Variants in BCAP31 observed in about 807,000 individuals in gnomAD.
BCAP31 encodes B-cell receptor-associated protein 31.
For synonymous variants in BCAP31, 75 were observed against 80.9 expected, an observed-to-expected ratio of 0.93 and a Z score of 0.39; for missense variants, 124 against 193.0, an observed-to-expected ratio of 0.64 and a Z score of 2.12.
At chrX:153,708,082 G>C (rs1453658600) in intron 4 of BCAP31, among the ~76,000 whole-genome samples, 1 of 113,028 alleles carries the variant, frequency 8.8e-6, no homozygotes, top group Non-Finnish European at 1.9e-5. Context: ...CCAAAAAAAG[G>C]CCAGTGAACG....
chrX:153,700,931 A>C lies in BCAP31; in HGVS notation c.*6T>G, dbSNP rs1458613702. Reference sequence around the variant, plus strand: ...GCCAGCTGCAGGCAGGGGAGGAAGGAGGCCCTTACTCTTCCTTCTTGTCCA... The same window carrying C: ...GCCAGCTGCAGGCAGGGGAGGAAGGCGGCCCTTACTCTTCCTTCTTGTCCA... On this transcript the variant is annotated 3_prime_UTR_variant, in exon 8 of 8. Coordinates refer to ENST00000345046, the MANE Select transcript of BCAP31 (RefSeq NM_001256447.2). The C allele has an allele frequency of 3.3e-6, 4 of 1,201,033 alleles. No individual in the cohort carries two copies. The highest frequency in any genetic ancestry group is 3.5e-5 in the African/African-American group (2 of 56,563).
chrX:153,708,687 TGAA>T (rs1448022303), intron 4 of BCAP31, among the ~76,000 whole-genome samples: 30 of 112,506 alleles, frequency 2.7e-4, no homozygotes, highest in African/African-American at 9.0e-4. Context: ...AAGGCTTCAG[TGAA>T]GAAGAATGAC....
chrX:153,701,098 G>A (rs781842422), intron 7 of BCAP31, 123 bp from the exon 8 acceptor site: 3 of 605,253 alleles, frequency 5.0e-6, no homozygotes, highest in Admixed American at 3.7e-5. Flanking sequence ...AGCTATTCAA[G>A]TGAACAAGGG....
In BCAP31 at chrX:153,700,862, A is replaced by T. The variant is rs2091513376; in HGVS notation, c.*75T>A. 6 of 1,032,214 alleles carry T rather than the reference A, an allele frequency of 5.8e-6. No individual in the cohort carries two copies. The allele number at this position is 1,032,214 out of a possible 1,213,427, so 85.1% of individuals were successfully genotyped here. A position where few individuals can be genotyped will look rare whatever the true frequency, so the allele number is the denominator to read the frequency against. The stretch of plus-strand genomic sequence containing the variant: ...GGGCACAAACAGAAGTACTGGAGGG[A>T]GAGGCCGGGCTCTCAGGAAGCAGCA... On this transcript the variant is annotated 3_prime_UTR_variant, in exon 8 of 8. Coordinates refer to ENST00000345046, the MANE Select transcript of BCAP31 (RefSeq NM_001256447.2).
intron 3 of BCAP31, among the ~76,000 whole-genome samples, chrX:153,716,076 G>A (rs1309347248): frequency 1.9e-5 from 2 of 106,390 alleles, no homozygotes; most frequent in Non-Finnish European, 3.9e-5. Context: ...TGAGGCAAAA[G>A]AATCATTTGA....
rs376982996 is a variant in BCAP31, at chrX:153,712,612, C to G, written c.341+2930G>C. Among the ~76,000 whole-genome samples the G allele has an allele frequency of 2.5e-4, 27 of 110,094 alleles. No homozygotes were observed. In the East Asian group the frequency reaches 4.0e-3, roughly 16 times the overall value. On this transcript the variant is annotated intron_variant, in intron 4 of 7. Transcript: ENST00000345046. ...GTGGAGGCTGGGCGTGGTGGCTCAG[C>G]TGCCGCACTCTCCCGTGTTCCCATC...
chrX:153,714,479 C>T (rs2091613368), intron 4 of BCAP31, among the ~76,000 whole-genome samples: 1 of 111,378 alleles, frequency 9.0e-6, no homozygotes, highest in Non-Finnish European at 1.9e-5. Context: ...AACCCATTAT[C>T]TTGAAAAAAA....
rs782496952 is a variant in BCAP31 at position 153,701,910 on chromosome X, GC to G, written c.702+96del. 17 of 788,695 alleles carry G rather than the reference GC, an allele frequency of 2.2e-5. No homozygotes were observed. The African/African-American group carries it at 3.4e-4, about 16-fold the overall frequency. The allele number at this position is 788,695 out of a possible 1,213,427, so 65.0% of individuals were successfully genotyped here. ...GGGGGAGTGGTGGAGAGGGCAGCCA[GC>G]CCCTGGGCCCCTGGAAGGTTCCCTC... On this transcript the variant is annotated intron_variant, in intron 7 of 7. Coordinates refer to ENST00000345046, the MANE Select transcript of BCAP31 (RefSeq NM_001256447.2).
At chrX:153,715,797 A>C (rs1335392272) in intron 3 of BCAP31, 108 bp from the exon 4 acceptor site, 4 of 944,030 alleles carry the variant, frequency 4.2e-6, no homozygotes, top group Non-Finnish European at 6.0e-6. Flanking sequence ...ACTTCCCTCA[A>C]ATCCGCCTCC....
intron 4 of BCAP31, 131 bp from the exon 5 acceptor site, chrX:153,704,225 T>A: frequency 1.3e-6 from 1 of 744,568 alleles, no homozygotes; most frequent in Non-Finnish European, 1.9e-6. Context: ...GGCAGCCGAG[T>A]GAGAAGCCGC....
intron 1 of BCAP31, chrX:153,723,925 C>A: frequency 2.0e-6 from 1 of 491,274 alleles, no homozygotes; most frequent in Non-Finnish European, 3.7e-6. Flanking sequence ...GATTCGGGAC[C>A]AAGCGCAAAG....
intron 4 of BCAP31, among the ~76,000 whole-genome samples, chrX:153,704,554 A>G (rs1339516227): frequency 8.9e-6 from 1 of 112,315 alleles, no homozygotes; most frequent in African/African-American, 3.2e-5. Flanking sequence ...GGAAGTTACT[A>G]TCACTGCCCC....
intron 4 of BCAP31, among the ~76,000 whole-genome samples, chrX:153,706,255 C>T (rs1389743582): frequency 2.7e-5 from 3 of 110,900 alleles, no homozygotes; most frequent in Non-Finnish European, 3.8e-5. Flanking sequence ...CTTTTTCACA[C>T]CTTCTAGGTC....
intron 3 of BCAP31, among the ~76,000 whole-genome samples, chrX:153,718,317 C>CAAAAAAAAAAAAAAAAAAA: frequency 3.3e-5 from 1 of 30,505 alleles, no homozygotes; most frequent in Non-Finnish European, 6.6e-5. Context: ...GATTCCATCT[C>CAAAAAAAAAAAAAAAAAAA]AAAAAAAAAA....
intron 1 of BCAP31, chrX:153,723,945 G>A (rs2091688298): frequency 2.1e-6 from 1 of 470,795 alleles, no homozygotes; most frequent in Non-Finnish European, 3.9e-6. Context: ...GGCAGGTCTC[G>A]ACCAAGCACC....
At chrX:153,705,708 C>T (rs188112611) in intron 4 of BCAP31, among the ~76,000 whole-genome samples, 1 of 112,308 alleles carries the variant, frequency 8.9e-6, no homozygotes, top group African/African-American at 3.2e-5. Flanking sequence ...CCCAGGCCCC[C>T]GGCAAGGAGC....
chrX:153,706,112 C>T (rs2091552873), intron 4 of BCAP31, among the ~76,000 whole-genome samples: 1 of 111,642 alleles, frequency 9.0e-6, no homozygotes, highest in Admixed American at 9.4e-5. Flanking sequence ...CTTCAGTTCC[C>T]AGCCTTGAGA....
intron 1 of BCAP31, chrX:153,723,524 G>A: frequency 8.6e-7 from 1 of 1,165,349 alleles, no homozygotes; most frequent in Non-Finnish European, 1.1e-6. Context: ...CCTCCAGCAC[G>A]TGTGTCAACA....
chrX:153,701,273 C>T (rs1264850995), intron 7 of BCAP31, among the ~76,000 whole-genome samples: 5 of 112,279 alleles, frequency 4.5e-5, no homozygotes, highest in Non-Finnish European at 9.4e-5. Flanking sequence ...CAGTCCCCTT[C>T]AAGACCTGAT....
Sources: allele counts gnomAD v4.1 joint callset (sites outside exome capture counted in the v4.1 genomes callset), GRCh38; gene constraint gnomAD v4.1.1; transcripts MANE v1.5; gene names NCBI Gene and HGNC (gene_info 2026-07-23, HGNC 2026-07-21).